Variants in UGT3A1 observed in about 807,000 individuals in gnomAD.
UGT3A1 encodes UDP glycosyltransferase family 3 member A1.
A neutral mutation model predicts 37.6 loss-of-function variants in UGT3A1; 40 were observed. The observed-to-expected ratio is 1.06, with a 90% CI of 0.83 to 1.38. The LOEUF is 1.38. Among genes scored for constraint, UGT3A1 ranks in the 40% most tolerant of loss-of-function variants. The pLI is 0.00. For missense variants in UGT3A1, 642 were observed against 634.2 expected (o/e 1.01, Z -0.13); for synonymous variants, 256 against 232.3 (o/e 1.10, Z -0.93).
chr5:35,972,356 G>A (rs917528693), intron 2 of UGT3A1, among the ~76,000 whole-genome samples: 4 of 151,968 alleles, frequency 2.6e-5, no homozygotes, highest in Non-Finnish European at 5.9e-5. Flanking sequence ...AAACTCTGAG[G>A]TTTCCCAGAG....
In UGT3A1 at chr5:35,965,431, A is replaced by T; in HGVS notation, c.798T>A (p.Val266=). The part of the protein sequence containing the change: ...DFARPLLPNT[V]YIGGLMEKPI... Reference sequence around the variant, plus strand: ...GTTTTTCCATCAAGCCTCCAATATAAACAGTGTTGGGAAGCAGGGGCCGGG... The same window carrying T: ...GTTTTTCCATCAAGCCTCCAATATATACAGTGTTGGGAAGCAGGGGCCGGG... The change falls in exon 4 of 7, where the codon GTT becomes GTA. Residue 266 remains valine, a synonymous_variant. Transcript: ENST00000274278. 1 of 1,614,090 alleles carries T rather than the reference A, an allele frequency of 6.2e-7. No homozygotes were observed. Among genetic ancestry groups the T allele is most frequent in the Non-Finnish European group, 8.5e-7 (1 of 1,180,004 alleles).
chr5:35,951,032 G>GA lies in UGT3A1; in HGVS notation c.*3169_*3170insT, dbSNP rs1739191790. 1.3e-5 allele frequency: 2 copies of GA among 151,214 alleles called. No individual in the cohort carries two copies. The highest frequency in any genetic ancestry group is 2.4e-5 in the African/African-American group (1 of 41,150). The allele number at this position is 151,214 out of a possible 1,614,324, so 9.4% of individuals were successfully genotyped here. ...TCGTTTGGAGTTCTTTTTTTTTTCT[G>GA]TTGATTGATTGTATACAGTATATAG... On this transcript the variant is annotated 3_prime_UTR_variant, in exon 7 of 7. Coordinates refer to ENST00000274278, the MANE Select transcript of UGT3A1 (RefSeq NM_152404.4).
At chr5:35,986,215 C>A (rs376339791) in intron 2 of UGT3A1, among the ~76,000 whole-genome samples, 221 of 152,068 alleles carry the variant, frequency 1.5e-3, no homozygotes, top group African/African-American at 5.1e-3. Context: ...GAAAGGGGAA[C>A]CCTCATACAC....
In UGT3A1 at chr5:35,953,847, GT is replaced by G. The variant is rs765894151; in HGVS notation, c.*354del. The G allele has an allele frequency of 2.5e-5, 5 of 197,866 alleles. No individual in the cohort carries two copies. Among genetic ancestry groups the G allele is most frequent in the East Asian group, 2.4e-4 (2 of 8,440 alleles). 12.3% of individuals were successfully genotyped at this position (197,866 alleles called of 1,614,324 possible). A position where few individuals can be genotyped will look rare whatever the true frequency, so the allele number is the denominator to read the frequency against. ...GGAAGATATGTCAAATATTTCCTGA[GT>G]TTTTTTATGAAAAGTGATAGAAGGA... On this transcript the variant is annotated 3_prime_UTR_variant, in exon 7 of 7. Transcript: ENST00000274278.
At position 35,991,137 on chromosome 5, in the gene UGT3A1, A is replaced by G; in HGVS notation, c.94+10T>C. 1 of 1,614,196 alleles carries G rather than the reference A, an allele frequency of 6.2e-7. No individual in the cohort carries two copies. Among genetic ancestry groups the G allele is most frequent in the Non-Finnish European group, 8.5e-7 (1 of 1,180,016 alleles). ...GCGCCTGTCTGGGAATTCTCCGGCC[A>G]AGCACTCACCCAGTGTAGATATTGT... On this transcript the variant is annotated intron_variant, in intron 1 of 6. Transcript: ENST00000274278.
chr5:35,983,849 T>A (rs976520104), intron 2 of UGT3A1, among the ~76,000 whole-genome samples: 1 of 151,850 alleles, frequency 6.6e-6, no homozygotes, highest in African/African-American at 2.4e-5. Context: ...ATTCAACACC[T>A]TTTTATGATT....
At chr5:35,960,487 C>T (rs1370869970) in intron 4 of UGT3A1, among the ~76,000 whole-genome samples, 3 of 152,202 alleles carry the variant, frequency 2.0e-5, no homozygotes, top group Admixed American at 2.0e-4. Flanking sequence ...GCAGCCTCCG[C>T]TGCTGCTCAA....
rs868373307 is a variant in UGT3A1 at position 35,988,545 on chromosome 5, C to T, written c.101G>A (p.Ser34Asn). Residue 34 changes from serine to asparagine, a missense_variant, in exon 2 of 7, where the codon AGC (serine) becomes AAC (asparagine). Transcript: ENST00000274278. ...KILTISTLGG[S>N]HYLLLDRVSQ... ...CACCCGGTCCAACAGTAGGTAATGG[C>T]TTCCACCTAGAAACAATGCACAATG... The T allele has an allele frequency of 1.2e-5, 19 of 1,610,658 alleles. No individual in the cohort carries two copies. Among genetic ancestry groups the T allele is most frequent in the Non-Finnish European group, 1.6e-5 (19 of 1,178,192 alleles).
chr5:35,973,839 T>G (rs367562504), intron 2 of UGT3A1, among the ~76,000 whole-genome samples: 1 of 152,140 alleles, frequency 6.6e-6, no homozygotes, highest in Admixed American at 6.6e-5. Context: ...AAGGTAGGCA[T>G]GGTTACCATG....
intron 2 of UGT3A1, among the ~76,000 whole-genome samples, chr5:35,970,717 T>G (rs1740002109): frequency 6.6e-6 from 1 of 152,196 alleles, no homozygotes; most frequent in African/African-American, 2.4e-5. Flanking sequence ...TATATTAAAA[T>G]TATTAACAAT....
At chr5:35,972,654 G>A (rs1281983412) in intron 2 of UGT3A1, among the ~76,000 whole-genome samples, 1 of 151,986 alleles carries the variant, frequency 6.6e-6, no homozygotes, top group Non-Finnish European at 1.5e-5. Context: ...CTTTTCAGTG[G>A]TAAAGAGGGC....
rs939663646 is a variant in UGT3A1 at position 35,951,309 on chromosome 5, A to C, written c.*2893T>G. On this transcript the variant is annotated 3_prime_UTR_variant, in exon 7 of 7. Coordinates refer to ENST00000274278, the MANE Select transcript of UGT3A1 (RefSeq NM_152404.4). Reference sequence around the variant, plus strand: ...ACCACCCTCATAGATAATCTATCACACTCTGGTTTATTCCCTCTGCACTGT... The same window carrying C: ...ACCACCCTCATAGATAATCTATCACCCTCTGGTTTATTCCCTCTGCACTGT... 2 of 151,990 alleles carry C rather than the reference A, an allele frequency of 1.3e-5. No homozygotes were observed. Among genetic ancestry groups the C allele is most frequent in the Admixed American group, 6.6e-5 (1 of 15,252 alleles). The allele number at this position is 151,990 out of a possible 1,614,324, so 9.4% of individuals were successfully genotyped here.
At chr5:35,994,132 G>C (rs1393335126), upstream of UGT3A1, among the ~76,000 whole-genome samples, 2 of 152,060 alleles carry the variant, frequency 1.3e-5, no homozygotes, top group African/African-American at 4.8e-5. Flanking sequence ...ACTTCAGCTT[G>C]GACCTCCATC....
chr5:35,967,857 A>T (rs1447268631), intron 3 of UGT3A1, among the ~76,000 whole-genome samples, 162 bp downstream of exon 3: 2 of 152,104 alleles, frequency 1.3e-5, no homozygotes, highest in Non-Finnish European at 2.9e-5. Context: ...CCAACTGTCC[A>T]TCCATCTATC....
At chr5:35,957,527 G>A in intron 4 of UGT3A1, 108 bp from the exon 5 acceptor site, 2 of 850,876 alleles carry the variant, frequency 2.4e-6, no homozygotes, top group Non-Finnish European at 3.7e-6. Context: ...TCAGTGCCTT[G>A]TCTTCACTCT....
rs1376157619 is a variant in UGT3A1, at chr5:35,988,451, T to G, written c.195A>C (p.Pro65=). Residue 65 remains proline (P), a splice_region_variant and synonymous_variant, in exon 2 of 7, where the codon CCA becomes CCC. Coordinates refer to ENST00000274278, the MANE Select transcript of UGT3A1 (RefSeq NM_152404.4). ...MLHQSGKFLI[P]DIKEEEKSYQ... ...AAAATTAGTTTTTAAAAAAGATACC[T>G]GGGATCAAAAACTTTCCACTCTGAT... is the stretch of plus-strand genomic sequence containing the variant. The G allele has an allele frequency of 1.3e-6, 2 of 1,594,540 alleles. No homozygotes were observed. Among genetic ancestry groups the G allele is most frequent in the Non-Finnish European group, 1.7e-6 (2 of 1,173,278 alleles).
In UGT3A1 at chr5:35,981,822, C is replaced by T. The variant is rs144679658; in HGVS notation, c.196+6628G>A. ...ATGGAGAAAATATCTCTAGGGCATG[C>T]CAGAGAGTTCATGGCAGCCCCTACA... On this transcript the variant is annotated intron_variant, in intron 2 of 6. Coordinates refer to ENST00000274278, the MANE Select transcript of UGT3A1 (RefSeq NM_152404.4). Among the ~76,000 whole-genome samples, 35 of 152,210 alleles carry T rather than the reference C, an allele frequency of 2.3e-4. 1 individual carries two copies. In the East Asian group the frequency reaches 5.2e-3, roughly 23 times the overall value.
At position 35,954,421 on chromosome 5, in the gene UGT3A1, G is replaced by A. The variant is rs1739275796; in HGVS notation, c.1353C>T (p.Pro451=). Residue 451 remains proline, a synonymous_variant, in exon 7 of 7, where the codon CCC becomes CCT. Coordinates refer to ENST00000274278, the MANE Select transcript of UGT3A1 (RefSeq NM_152404.4). ...SVILHSQPLS[P]AQRLVGWIDH... ...CGATCCAGCCCACCAGCCGCTGTGC[G>A]GGGCTCAGGGGCTGAGAGTGCAGGA... The A allele has an allele frequency of 4.3e-6, 7 of 1,614,220 alleles. No homozygotes were observed. The highest frequency in any genetic ancestry group is 2.2e-5 in the East Asian group (1 of 44,874).
chr5:35,954,399 T>C lies in UGT3A1; in HGVS notation c.1375A>G (p.Ile459Val), dbSNP rs755135812. ...LSPAQRLVGWIDHILQTGGAT... is the reference protein window; with the variant it reads ...LSPAQRLVGWVDHILQTGGAT... ...CCCCCAGTCTGGAGGATGTGGTCGA[T>C]CCAGCCCACCAGCCGCTGTGCGGGG... Residue 459 changes from isoleucine to valine, a missense_variant, in exon 7 of 7, where the codon ATC becomes GTC. Coordinates refer to ENST00000274278, the MANE Select transcript of UGT3A1 (RefSeq NM_152404.4). 6.2e-7 allele frequency: 1 copy of C among 1,614,208 alleles called. No individual in the cohort carries two copies. Among genetic ancestry groups the C allele is most frequent in the Non-Finnish European group, 8.5e-7 (1 of 1,180,024 alleles).
Sources: allele counts gnomAD v4.1 joint callset (sites outside exome capture counted in the v4.1 genomes callset), GRCh38; gene constraint gnomAD v4.1.1; transcripts MANE v1.5; gene names NCBI Gene and HGNC (gene_info 2026-07-23, HGNC 2026-07-21).